KCNQ4: variants seen among roughly 807,000 people sequenced by gnomAD.
KCNQ4 encodes the protein potassium voltage-gated channel subfamily Q member 4, also known as potassium voltage-gated channel subfamily KQT member 4.
KCNQ4 carries 31 observed loss-of-function variants against 72.6 expected under a neutral mutation model. That is an observed-to-expected ratio of 0.43 (90% CI 0.32 to 0.58). The LOEUF is 0.58. Ranked by LOEUF, KCNQ4 falls within the 20% of genes least tolerant of loss-of-function variation. The pLI is 0.08. For synonymous variants in KCNQ4, 405 were observed against 403.7 expected (o/e 1.00, Z -0.04); for missense variants, 869 against 962.6 (o/e 0.90, Z 1.29).
chr1:40,812,670 G>A (rs1329926257), intron 1 of KCNQ4, among the ~76,000 whole-genome samples: 1 of 152,168 alleles, frequency 6.6e-6, no homozygotes, highest in Non-Finnish European at 1.5e-5. Context: ...TGAAGTTTGG[G>A]GGCTTTTTAA....
chr1:40,792,986 CTTTTCTTTT>C (rs1647314377), intron 1 of KCNQ4, among the ~76,000 whole-genome samples: 1 of 142,750 alleles, frequency 7.0e-6, no homozygotes, highest in African/African-American at 2.6e-5. Context: ...GCCCTTCTTT[CTTTTCTTTT>C]CTTTCTTTCT....
At chr1:40,822,839 C>A (rs1648346379) in intron 8 of KCNQ4, among the ~76,000 whole-genome samples, 1 of 152,214 alleles carries the variant, frequency 6.6e-6, no homozygotes, top group Non-Finnish European at 1.5e-5. Flanking sequence ...CTACCCTGAA[C>A]CCCCATGTAG....
intron 9 of KCNQ4, chr1:40,826,727 C>A (rs576649639): frequency 9.0e-6 from 4 of 445,702 alleles, no homozygotes; most frequent in South Asian, 6.2e-5. Flanking sequence ...TGTCCCCACT[C>A]CTCCTTGCCC....
intron 1 of KCNQ4, among the ~76,000 whole-genome samples, chr1:40,789,707 A>G (rs920582956): frequency 1.2e-4 from 19 of 152,176 alleles, no homozygotes; most frequent in South Asian, 4.1e-4. Flanking sequence ...TTCAATCCCT[A>G]TTGCTGCCGA....
At position 40,839,886 on chromosome 1, in the gene KCNQ4, T is replaced by A. The variant is rs925532790; in HGVS notation, c.*1363T>A. 1 of 152,188 alleles carries A rather than the reference T, an allele frequency of 6.6e-6. No homozygotes were observed. The highest frequency in any genetic ancestry group is 1.9e-4 in the East Asian group (1 of 5,188). The allele number at this position is 152,188 out of a possible 1,614,324, so 9.4% of individuals were successfully genotyped here. On this transcript the variant is annotated 3_prime_UTR_variant, in exon 14 of 14. Coordinates refer to ENST00000347132, the MANE Select transcript of KCNQ4 (RefSeq NM_004700.4). Reference sequence around the variant, plus strand: ...GCGCATCCGGCTTTCACATGCACTGTCTCCCCTCCCTCCACACCCCACTTC... The same window carrying A: ...GCGCATCCGGCTTTCACATGCACTGACTCCCCTCCCTCCACACCCCACTTC...
chr1:40,835,210 A>G, intron 12 of KCNQ4, 112 bp downstream of exon 12: 1 of 1,393,198 alleles, frequency 7.2e-7, no homozygotes, highest in Non-Finnish European at 9.8e-7. Flanking sequence ...GCTGCAGCTG[A>G]GTTTCTAGAC....
intron 1 of KCNQ4, among the ~76,000 whole-genome samples, chr1:40,815,994 T>A (rs549267919): frequency 4.7e-4 from 72 of 152,206 alleles, no homozygotes; most frequent in African/African-American, 1.7e-3. Context: ...CATCGGGAGT[T>A]GGCAGTTCTG....
intron 7 of KCNQ4, among the ~76,000 whole-genome samples, chr1:40,821,170 T>G (rs1394554898): frequency 1.3e-5 from 2 of 152,178 alleles, no homozygotes; most frequent in African/African-American, 2.4e-5. Context: ...AGGGGCATTG[T>G]AGGGGCAGGC....
chr1:40,797,102 G>A (rs1027822343), intron 1 of KCNQ4, among the ~76,000 whole-genome samples: 2 of 152,228 alleles, frequency 1.3e-5, no homozygotes, highest in African/African-American at 4.8e-5. Context: ...AGACTCTGGG[G>A]ACAGAGCAAT....
Position 40,831,169 on chromosome 1 carries a change from A to G in KCNQ4, c.1378A>G (p.Thr460Ala), listed in dbSNP as rs923094535. 6.2e-7 allele frequency: 1 copy of G among 1,611,450 alleles called. No individual in the cohort carries two copies. The highest frequency in any genetic ancestry group is 8.5e-7 in the Non-Finnish European group (1 of 1,178,976). The part of the protein sequence containing the change: ...GPSKQHLAPP[T>A]MPTSPSSEQV... Reference sequence around the variant, plus strand: ...TTCCAAGCAGCATCTGGCACCTCCAACAATGCCCACCTCCCCAAGCAGCGA... The same window carrying G: ...TTCCAAGCAGCATCTGGCACCTCCAGCAATGCCCACCTCCCCAAGCAGCGA... The change falls in exon 10 of 14, where the codon ACA becomes GCA. Residue 460 changes from threonine (T) to alanine (A), a missense_variant. Physicochemically the swap from Thr to Ala is moderately conservative, Grantham distance 58. Coordinates refer to ENST00000347132, the MANE Select transcript of KCNQ4 (RefSeq NM_004700.4).
chr1:40,826,572 C>T (rs1357658298), intron 9 of KCNQ4: 2 of 431,974 alleles, frequency 4.6e-6, no homozygotes, highest in African/African-American at 2.0e-5. Flanking sequence ...CCCAGCAGCT[C>T]CCCACACTCT....
chr1:40,801,180 A>G (rs1570808808), intron 1 of KCNQ4, among the ~76,000 whole-genome samples: 1 of 141,562 alleles, frequency 7.1e-6, no homozygotes, highest in African/African-American at 2.6e-5. Context: ...GGCTGGGGGG[A>G]AGGGGAATGG....
Position 40,788,828 on chromosome 1 carries a change from C to T in KCNQ4, c.314+4421C>T, listed in dbSNP as rs541214217. On this transcript the variant is annotated intron_variant, in intron 1 of 13. Coordinates refer to ENST00000347132, the MANE Select transcript of KCNQ4 (RefSeq NM_004700.4). This position sits in a 1 kb window ranked among gnomAD's most constrained non-coding sequence, Gnocchi z 4.5. Reference sequence around the variant, plus strand: ...AGTGCAGCCACGTTTTAGTTGTAGACCACGTCACTGCTGCGTACCTGTCTG... The same window carrying T: ...AGTGCAGCCACGTTTTAGTTGTAGATCACGTCACTGCTGCGTACCTGTCTG... Among the ~76,000 whole-genome samples the T allele has an allele frequency of 3.3e-5, 5 of 152,356 alleles. No homozygotes were observed. The highest frequency in any genetic ancestry group is 1.2e-4 in the African/African-American group (5 of 41,592).
chr1:40,806,862 G>A (rs1647779537), intron 1 of KCNQ4, among the ~76,000 whole-genome samples: 1 of 152,174 alleles, frequency 6.6e-6, no homozygotes, highest in South Asian at 2.1e-4. Flanking sequence ...AAGACAATCC[G>A]ATTGGCTCAG....
At position 40,789,628 on chromosome 1, in the gene KCNQ4, C is replaced by T. The variant is rs78011037; in HGVS notation, c.314+5221C>T. ...TGGAGCCGGTTCGATCTCTCACTGA[C>T]GGCCCACCCCACCCCAACTCCATAG... On this transcript the variant is annotated intron_variant, in intron 1 of 13. Coordinates refer to ENST00000347132, the MANE Select transcript of KCNQ4 (RefSeq NM_004700.4). Among the ~76,000 whole-genome samples, 1,198 of 152,240 alleles carry T rather than the reference C, an allele frequency of 7.9e-3. 13 individuals carry two copies. The highest frequency in any genetic ancestry group is 0.012 in the Non-Finnish European group (847 of 68,020).
chr1:40,820,146 C>T lies in KCNQ4; in HGVS notation c.946-19C>T. The T allele has an allele frequency of 6.3e-7, 1 of 1,592,388 alleles. No individual in the cohort carries two copies. The highest frequency in any genetic ancestry group is 8.6e-7 in the Non-Finnish European group (1 of 1,165,836). On this transcript the variant is annotated intron_variant, in intron 6 of 13. Coordinates refer to ENST00000347132, the MANE Select transcript of KCNQ4 (RefSeq NM_004700.4). Reference sequence around the variant, plus strand: ...CACCACTGCCAGCACATTCCCCCAACCATGCCCTATCCCTCTAGGGCATCC... The same window carrying T: ...CACCACTGCCAGCACATTCCCCCAATCATGCCCTATCCCTCTAGGGCATCC...
chr1:40,833,898 A>G (rs1450217364), intron 11 of KCNQ4, among the ~76,000 whole-genome samples: 1 of 151,718 alleles, frequency 6.6e-6, no homozygotes, highest in Non-Finnish European at 1.5e-5. Context: ...AGTTCCAGCT[A>G]CTTGGGAGGC....
intron 1 of KCNQ4, among the ~76,000 whole-genome samples, chr1:40,804,389 T>C (rs966822892): frequency 6.6e-6 from 1 of 152,176 alleles, no homozygotes; most frequent in Non-Finnish European, 1.5e-5. Flanking sequence ...TGATCACAGG[T>C]AAGCCAGGCC....
chr1:40,822,433 G>GGC, intron 8 of KCNQ4, 31 bp downstream of exon 8: 5 of 969,368 alleles, frequency 5.2e-6, no homozygotes, highest in Admixed American at 1.8e-5. Flanking sequence ...GGGTGGGTGG[G>GGC]GGGCTGGCAG....
Sources: allele counts gnomAD v4.1 joint callset (sites outside exome capture counted in the v4.1 genomes callset), GRCh38; gene constraint gnomAD v4.1.1; non-coding constraint Gnocchi (gnomAD v3.1); transcripts MANE v1.5; gene names NCBI Gene and HGNC (gene_info 2026-07-23, HGNC 2026-07-21).